The following ABCB4 variants were observed in gnomAD, a reference collection of about 807,000 sequenced individuals.
ABCB4 encodes phosphatidylcholine translocator ABCB4.
A neutral mutation model predicts 145.7 loss-of-function variants in ABCB4; 76 were observed. The ratio of observed to expected loss-of-function variants is 0.52; its 90% CI spans 0.43 to 0.63. The LOEUF is 0.63. Among genes scored for constraint, ABCB4 ranks in the 30% least tolerant of loss-of-function variants. ABCB4 has a pLI of 0.00. For synonymous variants in ABCB4, 517 were observed against 566.8 expected, an observed-to-expected ratio of 0.91 and a Z score of 1.25; for missense variants, 1,234 against 1,553.1, an observed-to-expected ratio of 0.79 and a Z score of 3.45.
chr7:87,408,257 C>T, intron 24 of ABCB4, 23 bp from the exon 25 acceptor site: 3 of 1,605,714 alleles, frequency 1.9e-6, no homozygotes, highest in Non-Finnish European at 2.6e-6. Context: ...TTAAATGTTG[C>T]TATTATAATT....
chr7:87,393,455 T>C, the ABCB4 span, among the ~76,000 whole-genome samples: 1 of 152,146 alleles, frequency 6.6e-6, no homozygotes, highest in East Asian at 1.9e-4. Flanking sequence ...AGAAAAGAGA[T>C]TGGGTAAATT....
chr7:87,394,773 A>G, the ABCB4 span, among the ~76,000 whole-genome samples: 1 of 152,134 alleles, frequency 6.6e-6, no homozygotes, highest in African/African-American at 2.4e-5. Flanking sequence ...TTATATGACA[A>G]CTTTACAGGA....
chr7:87,404,270 G>A (rs1808022770), intron 26 of ABCB4, among the ~76,000 whole-genome samples: 1 of 152,124 alleles, frequency 6.6e-6, no homozygotes, highest in Admixed American at 6.5e-5. Flanking sequence ...GTGGAACCCC[G>A]AATGCTGGAA....
At chr7:87,380,688 A>C in the ABCB4 span, among the ~76,000 whole-genome samples, 11 of 152,222 alleles carry the variant, frequency 7.2e-5, no homozygotes, top group Non-Finnish European at 1.0e-4. Flanking sequence ...TGAGATTATT[A>C]GCTTTCCATT....
chr7:87,412,126 G>A (rs1322664535), intron 22 of ABCB4, 93 bp from the exon 23 acceptor site: 2 of 1,422,922 alleles, frequency 1.4e-6, no homozygotes, highest in African/African-American at 2.8e-5. Context: ...CTGGCCGAGT[G>A]GGTTTAAGTT....
intron 26 of ABCB4, among the ~76,000 whole-genome samples, chr7:87,403,909 CT>C (rs986996755): frequency 9.9e-5 from 15 of 152,222 alleles, no homozygotes; most frequent in African/African-American, 3.1e-4. Context: ...TGAAAGAAAT[CT>C]TTTTAGAGAA....
At chr7:87,449,730 A>T (rs1347025757) in intron 8 of ABCB4, among the ~76,000 whole-genome samples, 1 of 152,156 alleles carries the variant, frequency 6.6e-6, no homozygotes, top group Non-Finnish European at 1.5e-5. Flanking sequence ...TATGCATTTA[A>T]AAACAAGGGA....
At chr7:87,391,021 T>G in the ABCB4 span, among the ~76,000 whole-genome samples, 1 of 152,248 alleles carries the variant, frequency 6.6e-6, no homozygotes, top group African/African-American at 2.4e-5. Flanking sequence ...TGTTTTCATC[T>G]GCTCTCCTGA....
the ABCB4 span, among the ~76,000 whole-genome samples, chr7:87,378,362 A>T: frequency 6.6e-6 from 1 of 150,388 alleles, no homozygotes; most frequent in Admixed American, 6.6e-5. Flanking sequence ...AAAAAAAAAA[A>T]GGGTTCAGTA....
In ABCB4 at chr7:87,409,354, C is replaced by G. The variant is rs1808439143; in HGVS notation, c.2963G>C (p.Gly988Ala). 1 of 1,613,906 alleles carries G rather than the reference C, an allele frequency of 6.2e-7. No individual in the cohort carries two copies. The highest frequency in any genetic ancestry group is 1.1e-5 in the South Asian group (1 of 91,090). ...GTCTGGAGCAAATGAACTGGCATGT[C>G]CTAGAGCCACTGCACCAAATACAAT... Reference protein sequence around the residue: ...SAIVFGAVALGHASSFAPDYA... With the variant: ...SAIVFGAVALAHASSFAPDYA... Residue 988 changes from glycine to alanine, a missense_variant, in exon 24 of 28, where the codon GGA becomes GCA. Physicochemically the swap from Gly to Ala is moderately conservative, Grantham distance 60 (BLOSUM62 0). Coordinates refer to ENST00000649586, the MANE Select transcript of ABCB4 (RefSeq NM_000443.4).
chr7:87,377,763 C>T, the ABCB4 span, among the ~76,000 whole-genome samples: 3 of 152,056 alleles, frequency 2.0e-5, no homozygotes, highest in Non-Finnish European at 4.4e-5. Flanking sequence ...TATTATATGG[C>T]ATTATGTATG....
In ABCB4 at chr7:87,406,336, A is replaced by C. The variant is rs1332618879; in HGVS notation, c.3438T>G (p.Ser1146Arg). ...SRVVSQDEIVSAAKAANIHPF... is the reference protein window; with the variant it reads ...SRVVSQDEIVRAAKAANIHPF... ...GATGTATGTTGGCAGCTTTGGCTGC[A>C]CTCACAATTTCATCCTGTGATACAA... The change falls in exon 26 of 28, where the codon AGT becomes AGG. Residue 1146 changes from serine (S) to arginine (R), a missense_variant. Physicochemically the swap from Ser to Arg is moderately radical, Grantham distance 110. This residue lies in a region of ABCB4 where 301 missense variants were observed against 389.0 expected (regional missense o/e 0.77). Coordinates refer to ENST00000649586, the MANE Select transcript of ABCB4 (RefSeq NM_000443.4). 2 of 1,614,160 alleles carry C rather than the reference A, an allele frequency of 1.2e-6. No homozygotes were observed. Among genetic ancestry groups the C allele is most frequent in the South Asian group, 2.2e-5 (2 of 91,084 alleles).
At chr7:87,440,122 A>G (rs1810873102) in intron 13 of ABCB4, 77 bp downstream of exon 13, 5 of 1,481,012 alleles carry the variant, frequency 3.4e-6, no homozygotes, top group Non-Finnish European at 4.7e-6. Flanking sequence ...ATTATTAGCT[A>G]AACCTTTGAA....
chr7:87,443,269 C>CA (rs1304131140), intron 12 of ABCB4, 50 bp downstream of exon 12: 2 of 1,612,500 alleles, frequency 1.2e-6, no homozygotes, highest in Non-Finnish European at 1.7e-6. Context: ...TTCAAAGGGC[C>CA]AATTTGTATC....
chr7:87,372,565 A>G, the ABCB4 span, among the ~76,000 whole-genome samples: 1 of 152,212 alleles, frequency 6.6e-6, no homozygotes, highest in African/African-American at 2.4e-5. Flanking sequence ...TTTAAAAATC[A>G]GGAAAATTTA....
intron 14 of ABCB4, 114 bp downstream of exon 14, chr7:87,439,553 G>A (rs926830679): frequency 1.7e-6 from 2 of 1,197,536 alleles, no homozygotes; most frequent in Non-Finnish European, 1.2e-6. Context: ...ACAGCTCCAT[G>A]AGGTAGCTCC....
chr7:87,467,123 A>AG (rs1812961613), intron 3 of ABCB4, among the ~76,000 whole-genome samples: 1 of 152,000 alleles, frequency 6.6e-6, no homozygotes, highest in Non-Finnish European at 1.5e-5. Context: ...TAAAGAGTCA[A>AG]GACCCATCAG....
chr7:87,459,196 A>G (rs1052254945), intron 4 of ABCB4, among the ~76,000 whole-genome samples: 2 of 152,228 alleles, frequency 1.3e-5, no homozygotes, highest in Non-Finnish European at 2.9e-5. Context: ...TTTTAAGTGT[A>G]CAGTTCAGTA....
chr7:87,382,246 T>A, the ABCB4 span: 2 of 1,462,354 alleles, frequency 1.4e-6, no homozygotes, highest in Non-Finnish European at 1.9e-6. Flanking sequence ...ATGTAAAAAT[T>A]TGGCTGTCAT....
Sources: allele counts gnomAD v4.1 joint callset (sites outside exome capture counted in the v4.1 genomes callset), GRCh38; gene constraint gnomAD v4.1.1; regional missense constraint gnomAD v4.1.1; transcripts MANE v1.5; gene names NCBI Gene and HGNC (gene_info 2026-07-23, HGNC 2026-07-21).